Variants in CNTNAP2 observed in about 807,000 individuals in gnomAD.
CNTNAP2 encodes the protein contactin-associated protein-like 2.
A neutral mutation model predicts 155.2 loss-of-function variants in CNTNAP2; 98 were observed. The ratio of observed to expected loss-of-function variants is 0.63; its 90% CI spans 0.54 to 0.75. The LOEUF (loss-of-function observed/expected upper bound fraction) is 0.75. CNTNAP2 is among the 30% of genes least tolerant of loss of function. The probability of loss-of-function intolerance (pLI) is 0.00; values close to 1 mark genes in which losing one functional copy is unlikely to be tolerated. For synonymous variants in CNTNAP2, 651 were observed against 631.2 expected (o/e 1.03, Z -0.47); for missense variants, 1,727 against 1,688.1 (o/e 1.02, Z -0.40).
At chr7:147,355,986 A>G (rs1796056386) in intron 9 of CNTNAP2, among the ~76,000 whole-genome samples, 1 of 152,168 alleles carries the variant, frequency 6.6e-6, no homozygotes, top group South Asian at 2.1e-4. Flanking sequence ...CAATAAGAAA[A>G]GAAAATTTCA....
At chr7:147,178,802 C>T (rs116137726) in intron 8 of CNTNAP2, among the ~76,000 whole-genome samples, 2,505 of 152,124 alleles carry the variant, frequency 0.016, 57 homozygotes, top group African/African-American at 0.055. Flanking sequence ...AGGTTATGTT[C>T]GACCTTTAGT....
At chr7:147,117,485 G>A (rs767435046) in intron 5 of CNTNAP2, among the ~76,000 whole-genome samples, 1 of 151,958 alleles carries the variant, frequency 6.6e-6, no homozygotes, top group African/African-American at 2.4e-5. Context: ...TCCCTAATCC[G>A]TCTCCATGTG....
intron 2 of CNTNAP2, among the ~76,000 whole-genome samples, chr7:146,808,926 T>C (rs1050745413): frequency 3.3e-5 from 5 of 152,216 alleles, no homozygotes; most frequent in African/African-American, 1.2e-4. Context: ...GTGTTTGTGC[T>C]TGTGTGCATA....
intron 8 of CNTNAP2, among the ~76,000 whole-genome samples, chr7:147,200,953 T>C (rs1485378280): frequency 6.6e-6 from 1 of 152,228 alleles, no homozygotes; most frequent in Non-Finnish European, 1.5e-5. Context: ...TATTTTCAAC[T>C]GAGGGTCATG....
chr7:147,490,430 T>C (rs955704218), intron 11 of CNTNAP2, among the ~76,000 whole-genome samples: 1 of 152,198 alleles, frequency 6.6e-6, no homozygotes, highest in African/African-American at 2.4e-5. Context: ...GTGTTGCACC[T>C]TATTACAGCA....
At chr7:146,857,629 G>A (rs766500539) in intron 3 of CNTNAP2, among the ~76,000 whole-genome samples, 5 of 152,102 alleles carry the variant, frequency 3.3e-5, no homozygotes, top group Non-Finnish European at 7.4e-5. Flanking sequence ...CCAAGAGAAC[G>A]ACTGAGAAAC....
chr7:147,622,626 G>A (rs565137637), intron 12 of CNTNAP2, among the ~76,000 whole-genome samples: 24 of 151,922 alleles, frequency 1.6e-4, no homozygotes, highest in East Asian at 5.8e-4. Context: ...TATGGGATAC[G>A]ATAAAAGCAG....
chr7:147,550,444 C>T (rs886359717), intron 11 of CNTNAP2, among the ~76,000 whole-genome samples: 3 of 152,204 alleles, frequency 2.0e-5, no homozygotes, highest in Non-Finnish European at 4.4e-5. Context: ...TATGCCTTTG[C>T]TCTTCCTTCA....
intron 1 of CNTNAP2, among the ~76,000 whole-genome samples, chr7:146,560,998 C>T (rs184569294): frequency 2.3e-4 from 35 of 152,220 alleles, no homozygotes; most frequent in Middle Eastern, 3.4e-3. Flanking sequence ...TGAAACCTTC[C>T]TTAAGCTCAC....
At chr7:146,787,308 T>C (rs1298033366) in intron 2 of CNTNAP2, among the ~76,000 whole-genome samples, 1 of 152,208 alleles carries the variant, frequency 6.6e-6, no homozygotes, top group Non-Finnish European at 1.5e-5. Flanking sequence ...ACTTCAAGAA[T>C]GAAGCTACGG....
At chr7:148,340,376 G>A (rs1798207507) in intron 21 of CNTNAP2, among the ~76,000 whole-genome samples, 1 of 152,182 alleles carries the variant, frequency 6.6e-6, no homozygotes, top group African/African-American at 2.4e-5. Context: ...TACATTTAAA[G>A]TCGGTCCTGT....
At chr7:147,506,217 C>G (rs73744132) in intron 11 of CNTNAP2, among the ~76,000 whole-genome samples, 7,970 of 151,922 alleles carry the variant, frequency 0.052, 569 homozygotes, top group African/African-American at 0.16. Context: ...GCCAAAGGCT[C>G]GGGTCCTTCA....
intron 1 of CNTNAP2, among the ~76,000 whole-genome samples, chr7:146,163,167 TTAAAAA>T (rs1798251774): frequency 6.6e-6 from 1 of 151,934 alleles, no homozygotes. Context: ...AATAAAAAAA[TTAAAAA>T]TAAAAATAAC....
intron 1 of CNTNAP2, among the ~76,000 whole-genome samples, chr7:146,610,136 C>T (rs774639763): frequency 3.9e-5 from 6 of 152,068 alleles, no homozygotes; most frequent in Admixed American, 6.5e-5. Flanking sequence ...TGAGAATCAC[C>T]GAATAATAAT....
At chr7:146,822,556 A>G (rs1803308466) in intron 2 of CNTNAP2, among the ~76,000 whole-genome samples, 1 of 150,866 alleles carries the variant, frequency 6.6e-6, no homozygotes, top group Non-Finnish European at 1.5e-5. Context: ...TTTTGTTCCT[A>G]CAGTGTCTGA....
intron 15 of CNTNAP2, among the ~76,000 whole-genome samples, chr7:148,091,476 A>C (rs1803839335): frequency 6.6e-6 from 1 of 152,192 alleles, no homozygotes; most frequent in Non-Finnish European, 1.5e-5. Flanking sequence ...GGATGAAGCT[A>C]CCTGATTTGG....
intron 11 of CNTNAP2, among the ~76,000 whole-genome samples, chr7:147,506,534 C>T (rs576159907): frequency 7.9e-5 from 12 of 152,328 alleles, no homozygotes; most frequent in Non-Finnish European, 1.3e-4. Flanking sequence ...GGATTACAGG[C>T]GTGAGCCACC....
At chr7:147,761,709 T>G (rs188277009) in intron 13 of CNTNAP2, among the ~76,000 whole-genome samples, 51 of 152,296 alleles carry the variant, frequency 3.3e-4, no homozygotes, top group African/African-American at 1.2e-3. Flanking sequence ...GCTGTAAGAT[T>G]GGAGAGGATG....
intron 3 of CNTNAP2, among the ~76,000 whole-genome samples, chr7:146,892,338 C>T (rs1795796350): frequency 6.6e-6 from 1 of 152,084 alleles, no homozygotes; most frequent in African/African-American, 2.4e-5. Context: ...TCTTTTAGGT[C>T]CAGAGCCAAG....
Sources: gnomAD v4.1 joint callset for allele counts (sites outside exome capture counted in the v4.1 genomes callset) on GRCh38, gnomAD v4.1.1 for gene constraint, MANE v1.5 for transcripts, NCBI Gene and HGNC (gene_info 2026-07-23, HGNC 2026-07-21) for gene names.